Variants in DNAH17 observed in about 807,000 individuals in gnomAD.
DNAH17 encodes the protein axonemal beta dynein heavy chain 17.
DNAH17 carries 376 observed loss-of-function variants against 485.6 expected under a neutral mutation model. The observed-to-expected ratio is 0.77, with a 90% CI of 0.71 to 0.84. DNAH17 has a LOEUF of 0.84. Among genes scored for constraint, DNAH17 ranks in the 40% least tolerant of loss-of-function variants. The pLI is 0.00. For synonymous variants in DNAH17, 3,031 were observed against 2,405.9 expected (o/e 1.26, Z -7.60); for missense variants, 6,370 against 5,839.3 (o/e 1.09, Z -2.96).
intron 38 of DNAH17, among the ~76,000 whole-genome samples, chr17:78,495,482 G>A (rs1480181644): frequency 1.3e-5 from 2 of 149,376 alleles, no homozygotes; most frequent in African/African-American, 5.0e-5. Context: ...TTGTTGCCCA[G>A]GCTGGAGTGC....
chr17:78,501,140 G>T (rs375646875), intron 35 of DNAH17, 44 bp downstream of exon 35: 2 of 1,525,332 alleles, frequency 1.3e-6, no homozygotes, highest in Non-Finnish European at 8.9e-7. Flanking sequence ...ATGCGGAAGG[G>T]ACCCACCAAG....
At chr17:78,525,292 A>G (rs2143240830) in intron 24 of DNAH17, 131 bp from the exon 25 acceptor site, 1 of 1,328,350 alleles carries the variant, frequency 7.5e-7, no homozygotes, top group East Asian at 2.5e-5. Context: ...TGTCCATACA[A>G]CGGTGTCCCA....
Position 78,450,395 on chromosome 17 carries a change from C to G in DNAH17, c.10900-1G>C. On this transcript the variant is annotated splice_acceptor_variant, in intron 67 of 80. Transcript: ENST00000389840. LOFTEE classifies it high-confidence loss of function. ...CTTCTGTGATTTTTGCCTCCACCACCTCGACACAAACAAAAGGGGTGTGAA... is the reference window on the plus strand; with the variant it reads ...CTTCTGTGATTTTTGCCTCCACCACGTCGACACAAACAAAAGGGGTGTGAA... The G allele has an allele frequency of 1.2e-6, 2 of 1,613,826 alleles. No homozygotes were observed. The highest frequency in any genetic ancestry group is 1.3e-5 in the African/African-American group (1 of 75,066).
At chr17:78,438,441 A>AGGAGGAG (rs2086933895) in intron 73 of DNAH17, among the ~76,000 whole-genome samples, 1 of 93,968 alleles carries the variant, frequency 1.1e-5, no homozygotes, top group African/African-American at 4.9e-5. Context: ...GAGGAGGAGG[A>AGGAGGAG]GGAGGGAGGA....
chr17:78,547,004 C>T (rs998667139), intron 16 of DNAH17, among the ~76,000 whole-genome samples: 1 of 152,194 alleles, frequency 6.6e-6, no homozygotes, highest in African/African-American at 2.4e-5. Context: ...CTCCTCCTAA[C>T]TACCAATTAT....
chr17:78,473,070 T>C (rs1395370323), intron 54 of DNAH17, among the ~76,000 whole-genome samples: 2 of 152,180 alleles, frequency 1.3e-5, no homozygotes, highest in Non-Finnish European at 2.9e-5. Context: ...TACTTTATAA[T>C]ATTACATAAT....
chr17:78,439,355 T>TGCTTTAAGATGA, intron 72 of DNAH17, 138 bp from the exon 73 acceptor site: 1 of 1,061,682 alleles, frequency 9.4e-7, no homozygotes, highest in East Asian at 2.6e-5. Flanking sequence ...TAAAACTTGC[T>TGCTTTAAGATGA]GTTTTAAAAC....
chr17:78,532,758 C>G, intron 19 of DNAH17, 22 bp from the exon 20 acceptor site: 2 of 1,547,514 alleles, frequency 1.3e-6, no homozygotes, highest in Non-Finnish European at 1.7e-6. Context: ...AGGGGAGAAG[C>G]AAAAAGGGGA....
intron 63 of DNAH17, among the ~76,000 whole-genome samples, chr17:78,455,086 T>C (rs2087733605): frequency 6.6e-6 from 1 of 152,102 alleles, no homozygotes; most frequent in African/African-American, 2.4e-5. Context: ...ATTTTCGTAG[T>C]TTTAGTAGAG....
At chr17:78,531,069 A>T (rs1489915645) in intron 20 of DNAH17, among the ~76,000 whole-genome samples, 1 of 152,208 alleles carries the variant, frequency 6.6e-6, no homozygotes, top group Non-Finnish European at 1.5e-5. Context: ...CCTGTGATCT[A>T]AAGTGCAGTT....
At chr17:78,493,789 C>T (rs1332327095) in intron 41 of DNAH17, among the ~76,000 whole-genome samples, 12 of 152,224 alleles carry the variant, frequency 7.9e-5, no homozygotes, top group African/African-American at 2.9e-4. Context: ...GAGAGAAGAG[C>T]AGGAAGACAA....
In DNAH17 at chr17:78,486,583, T is replaced by TC. The variant is rs750510810; in HGVS notation, c.6819-78dup. On this transcript the variant is annotated intron_variant, in intron 44 of 80. Transcript: ENST00000389840. ...GTGTCCCTGCCTTGGTAAACGCCCCTCCCTACCTCCACCCAATTCTGCTGG... is the reference window on the plus strand; with the variant it reads ...GTGTCCCTGCCTTGGTAAACGCCCCTCCCCTACCTCCACCCAATTCTGCTGG... The TC allele has an allele frequency of 7.3e-5, 109 of 1,485,144 alleles. 1 individual carries two copies. In the East Asian group the frequency reaches 2.3e-3, roughly 31 times the overall value. 92.0% of individuals were successfully genotyped at this position (1,485,144 alleles called of 1,614,324 possible).
intron 54 of DNAH17, among the ~76,000 whole-genome samples, chr17:78,472,254 G>C (rs980324229): frequency 1.4e-5 from 2 of 146,924 alleles, no homozygotes; most frequent in African/African-American, 5.3e-5. Context: ...AGGGGTGCGA[G>C]GGTTAGGGTT....
chr17:78,505,046 C>G (rs1033698823), intron 31 of DNAH17, among the ~76,000 whole-genome samples: 1 of 151,944 alleles, frequency 6.6e-6, no homozygotes, highest in Non-Finnish European at 1.5e-5. Flanking sequence ...GGGCTTTTCT[C>G]CCGTCCTTTC....
At chr17:78,542,565 G>A (rs930981349) in intron 17 of DNAH17, among the ~76,000 whole-genome samples, 3 of 152,156 alleles carry the variant, frequency 2.0e-5, no homozygotes, top group African/African-American at 7.2e-5. Flanking sequence ...ACCAAGTGAG[G>A]AGGATATGAA....
chr17:78,532,271 C>G (rs926397688), intron 20 of DNAH17, among the ~76,000 whole-genome samples: 3 of 152,194 alleles, frequency 2.0e-5, no homozygotes, highest in Admixed American at 6.5e-5. Context: ...GATGCTACCC[C>G]GTGCAGGCCT....
At position 78,423,901 on chromosome 17, in the gene DNAH17, G is replaced by A; in HGVS notation, c.*5C>T. 2 of 1,613,836 alleles carry A rather than the reference G, an allele frequency of 1.2e-6. No individual in the cohort carries two copies. The highest frequency in any genetic ancestry group is 1.7e-6 in the Non-Finnish European group (2 of 1,179,784). On this transcript the variant is annotated 3_prime_UTR_variant, in exon 81 of 81. Coordinates refer to ENST00000389840, the MANE Select transcript of DNAH17 (RefSeq NM_173628.4). ...AGGGAGTGTGGGCTGTGAGGCAGGA[G>A]CGAGCTAAACCTGTAGGAGCAGCGC...
chr17:78,512,523 G>C (rs550288219), intron 26 of DNAH17, among the ~76,000 whole-genome samples: 1 of 152,120 alleles, frequency 6.6e-6, no homozygotes. Context: ...GGTTTATTTT[G>C]AGCTGAAGGC....
chr17:78,517,218 A>G (rs536792056), intron 25 of DNAH17, among the ~76,000 whole-genome samples: 13 of 152,202 alleles, frequency 8.5e-5, no homozygotes, highest in African/African-American at 2.6e-4. Context: ...TAATTTTTAT[A>G]TTTTTAGTAG....
Sources: gnomAD v4.1 joint callset for allele counts (sites outside exome capture counted in the v4.1 genomes callset) on GRCh38, gnomAD v4.1.1 for gene constraint, MANE v1.5 for transcripts, NCBI Gene and HGNC (gene_info 2026-07-23, HGNC 2026-07-21) for gene names.